VAT1L: variants seen among roughly 807,000 people sequenced by gnomAD.
VAT1L encodes the protein vesicle amine transport 1 like.
Under a neutral mutation model 44.1 loss-of-function variants are expected in VAT1L, and 34 were observed. That is an observed-to-expected ratio of 0.77 (90% CI 0.59 to 1.03). The LOEUF (loss-of-function observed/expected upper bound fraction) is 1.03, where lower values mean the gene tolerates loss of function less well. Ranked by LOEUF, VAT1L falls within the 50% of genes least tolerant of loss-of-function variation. The pLI, the probability that VAT1L is intolerant of heterozygous loss-of-function variation, is 0.00. For synonymous variants in VAT1L, 253 were observed against 202.2 expected (o/e 1.25, Z -2.13); for missense variants, 615 against 538.8 (o/e 1.14, Z -1.40).
intron 7 of VAT1L, among the ~76,000 whole-genome samples, chr16:77,969,819 G>A (rs2018259801): frequency 6.6e-6 from 1 of 152,016 alleles, no homozygotes. Flanking sequence ...ATGAACAAAT[G>A]TGAAAACCTT....
At chr16:77,845,723 A>C (rs1342343287) in intron 3 of VAT1L, among the ~76,000 whole-genome samples, 1 of 152,152 alleles carries the variant, frequency 6.6e-6, no homozygotes, top group African/African-American at 2.4e-5. Flanking sequence ...GTCCACCCTG[A>C]GAGCCAGACT....
chr16:77,844,860 G>A (rs1433479961), intron 3 of VAT1L, among the ~76,000 whole-genome samples: 2 of 151,264 alleles, frequency 1.3e-5, no homozygotes, highest in African/African-American at 2.4e-5. Flanking sequence ...GTGTGCATGT[G>A]TATATATATA....
intron 7 of VAT1L, among the ~76,000 whole-genome samples, chr16:77,966,495 A>G (rs975227237): frequency 3.9e-5 from 6 of 152,208 alleles, no homozygotes; most frequent in African/African-American, 1.4e-4. Context: ...CTTCAGATAC[A>G]TCGTAAGTGG....
chr16:77,934,864 G>C (rs1002875820), intron 7 of VAT1L, among the ~76,000 whole-genome samples: 4 of 152,174 alleles, frequency 2.6e-5, no homozygotes, highest in Admixed American at 2.6e-4. Flanking sequence ...GGAGACATGA[G>C]GATGAGTAAG....
At chr16:77,869,756 C>G (rs774979501) in intron 4 of VAT1L, among the ~76,000 whole-genome samples, 6 of 152,164 alleles carry the variant, frequency 3.9e-5, no homozygotes, top group Non-Finnish European at 8.8e-5. Flanking sequence ...CGATAAAGCA[C>G]AATCTCTAGC....
intron 4 of VAT1L, among the ~76,000 whole-genome samples, chr16:77,874,048 C>T (rs1346425179): frequency 6.6e-6 from 1 of 152,072 alleles, no homozygotes; most frequent in African/African-American, 2.4e-5. Flanking sequence ...ATATGACTGG[C>T]AGTTTGTGGG....
chr16:77,863,200 A>C (rs1160280596), intron 4 of VAT1L, among the ~76,000 whole-genome samples: 1 of 152,212 alleles, frequency 6.6e-6, no homozygotes, highest in Non-Finnish European at 1.5e-5. Flanking sequence ...CTTAAGGTGG[A>C]TATTTGGTGG....
intron 7 of VAT1L, among the ~76,000 whole-genome samples, chr16:77,951,255 T>A (rs1220574114): frequency 6.6e-6 from 1 of 152,160 alleles, no homozygotes; most frequent in Non-Finnish European, 1.5e-5. Context: ...AGTTTTAAAA[T>A]GACTCAAGGT....
intron 1 of VAT1L, among the ~76,000 whole-genome samples, chr16:77,813,139 ATTGACATGCCCC>A (rs2016293641): frequency 6.6e-6 from 1 of 152,026 alleles, no homozygotes; most frequent in Admixed American, 6.5e-5. Flanking sequence ...AAACAGGGGC[ATTGACATGCCCC>A]TGTTTTTTTA....
chr16:77,870,612 A>G (rs2017021282), intron 4 of VAT1L, among the ~76,000 whole-genome samples: 1 of 152,196 alleles, frequency 6.6e-6, no homozygotes, highest in Admixed American at 6.5e-5. Flanking sequence ...CAACTCTGAA[A>G]TATCTTACTG....
intron 1 of VAT1L, among the ~76,000 whole-genome samples, chr16:77,808,077 C>A (rs936771562): frequency 6.6e-6 from 1 of 151,694 alleles, no homozygotes; most frequent in African/African-American, 2.4e-5. Flanking sequence ...AGGAAATGGG[C>A]CACCAAGCAG....
At chr16:77,941,729 G>T (rs945156555) in intron 7 of VAT1L, among the ~76,000 whole-genome samples, 1 of 152,078 alleles carries the variant, frequency 6.6e-6, no homozygotes, top group African/African-American at 2.4e-5. Flanking sequence ...GGGATTACAG[G>T]CACCATGCCA....
chr16:77,863,631 A>T (rs993134131), intron 4 of VAT1L, among the ~76,000 whole-genome samples: 1 of 152,170 alleles, frequency 6.6e-6, no homozygotes, highest in Non-Finnish European at 1.5e-5. Flanking sequence ...CTGGGAAAGG[A>T]AAGTCGTGTG....
chr16:77,838,376 C>G (rs141978626), intron 3 of VAT1L, among the ~76,000 whole-genome samples: 1 of 152,334 alleles, frequency 6.6e-6, no homozygotes, highest in East Asian at 1.9e-4. Context: ...GGTCTCTGTT[C>G]TCACTGACAC....
At chr16:77,869,772 G>T (rs556679498) in intron 4 of VAT1L, among the ~76,000 whole-genome samples, 1 of 152,160 alleles carries the variant, frequency 6.6e-6, no homozygotes, top group East Asian at 1.9e-4. Flanking sequence ...CTAGCCAAAG[G>T]AGCACAAAGC....
chr16:77,932,706 A>G (rs1467477059), intron 7 of VAT1L, among the ~76,000 whole-genome samples: 1 of 152,082 alleles, frequency 6.6e-6, no homozygotes, highest in Non-Finnish European at 1.5e-5. Context: ...ACCTCCTACC[A>G]ATTCAGCAAT....
chr16:77,870,712 C>T (rs1214983527), intron 4 of VAT1L, among the ~76,000 whole-genome samples: 1 of 152,240 alleles, frequency 6.6e-6, no homozygotes, highest in Non-Finnish European at 1.5e-5. Flanking sequence ...AAAAAGCACA[C>T]AGAGGAATTG....
chr16:77,822,773 G>T (rs74029423), intron 2 of VAT1L, among the ~76,000 whole-genome samples: 1 of 152,086 alleles, frequency 6.6e-6, no homozygotes, highest in African/African-American at 2.4e-5. Flanking sequence ...TTCTCAAAGC[G>T]AGCAGACCAG....
chr16:77,915,416 A>T (rs1195965758), intron 7 of VAT1L, among the ~76,000 whole-genome samples: 1 of 152,218 alleles, frequency 6.6e-6, no homozygotes, highest in East Asian at 1.9e-4. Context: ...CTTGATACAC[A>T]GATGTTTAGA....
Sources: allele counts gnomAD v4.1 joint callset (sites outside exome capture counted in the v4.1 genomes callset), GRCh38; gene constraint gnomAD v4.1.1; transcripts MANE v1.5; gene names NCBI Gene and HGNC (gene_info 2026-07-23, HGNC 2026-07-21).